Variants in EML4 observed in about 807,000 individuals in gnomAD.
EML4 encodes EMAP like 4.
EML4 carries 72 observed loss-of-function variants against 129.0 expected under a neutral mutation model. The observed-to-expected ratio is 0.56, with a 90% confidence interval of 0.46 to 0.68. EML4 has a LOEUF of 0.68. Among genes scored for constraint, EML4 ranks in the 30% least tolerant of loss-of-function variants. The pLI is 0.00. For synonymous variants in EML4, 532 were observed against 405.0 expected (o/e 1.31, Z -3.77); for missense variants, 1,363 against 1,190.6 (o/e 1.14, Z -2.13).
chr2:42,233,902 ATACT>A (rs1402789624), intron 1 of EML4, among the ~76,000 whole-genome samples: 1 of 152,260 alleles, frequency 6.6e-6, no homozygotes, highest in Non-Finnish European at 1.5e-5. Flanking sequence ...ACTAGGAAAA[ATACT>A]TACTTTGGGG....
Position 42,316,059 on chromosome 2 carries a change from A to T in EML4, c.2056+9A>T, listed in dbSNP as rs781269859. On this transcript the variant is annotated intron_variant, in intron 18 of 22. Coordinates refer to ENST00000318522, the MANE Select transcript of EML4 (RefSeq NM_019063.5). Reference sequence around the variant, plus strand: ...GATGCGCTACTCAATAGGTAGGCAAATTTACTCCCACCTCCCAAGCATGGC... The same window carrying T: ...GATGCGCTACTCAATAGGTAGGCAATTTTACTCCCACCTCCCAAGCATGGC... 1 of 1,595,520 alleles carries T rather than the reference A, an allele frequency of 6.3e-7. No homozygotes were observed. Among genetic ancestry groups the T allele is most frequent in the Non-Finnish European group, 8.6e-7 (1 of 1,163,764 alleles).
Position 42,330,842 on chromosome 2 carries a change from CATA to C in EML4, c.*638_*640del. ...TAGAGAGGTGCTGCCTTTTCTAAGT[CATA>C]ATGAGGAACAGTCCCTTAATTTCTT... On this transcript the variant is annotated 3_prime_UTR_variant, in exon 23 of 23. Transcript: ENST00000318522. 1 of 209,572 alleles carries C rather than the reference CATA, an allele frequency of 4.8e-6. No homozygotes were observed. Among genetic ancestry groups the C allele is most frequent in the Non-Finnish European group, 9.8e-6 (1 of 102,376 alleles). 13.0% of individuals were successfully genotyped at this position (209,572 alleles called of 1,614,324 possible). A position where few individuals can be genotyped will look rare whatever the true frequency, so the allele number is the denominator to read the frequency against.
Position 42,301,312 on chromosome 2 carries a change from G to A in EML4, c.1561G>A (p.Gly521Arg), listed in dbSNP as rs1249391917. Residue 521 changes from glycine (G) to arginine (R), a missense_variant, in exon 14 of 23, where the codon GGG becomes AGG. By Grantham distance (125) the Gly-to-Arg change is moderately radical. Transcript: ENST00000318522. ...SVFTLCQMRN[G>R]MLLTGGGKDR... Reference sequence around the variant, plus strand: ...GTTCACACTTTGTCAGATGAGAAATGGGATGTTATTAACTGGAGGAGGGAA... The same window carrying A: ...GTTCACACTTTGTCAGATGAGAAATAGGATGTTATTAACTGGAGGAGGGAA... 1 of 1,613,092 alleles carries A rather than the reference G, an allele frequency of 6.2e-7. No individual in the cohort carries two copies. The highest frequency in any genetic ancestry group is 8.5e-7 in the Non-Finnish European group (1 of 1,179,480).
At chr2:42,203,004 G>A (rs772613857) in intron 1 of EML4, among the ~76,000 whole-genome samples, 5 of 151,960 alleles carry the variant, frequency 3.3e-5, no homozygotes, top group Non-Finnish European at 5.9e-5. Context: ...CTCCAGCCTG[G>A]GTGACAAGAG....
At chr2:42,317,583 ACAAATTTTT>A in intron 19 of EML4, 59 bp downstream of exon 19, 3 of 1,107,102 alleles carry the variant, frequency 2.7e-6, no homozygotes, top group Non-Finnish European at 4.0e-6. Context: ...TCCGTTAAAA[ACAAATTTTT>A]ACATCGATGT....
chr2:42,255,376 G>T (rs767585113), intron 2 of EML4, among the ~76,000 whole-genome samples: 1 of 152,098 alleles, frequency 6.6e-6, no homozygotes, highest in Non-Finnish European at 1.5e-5. Flanking sequence ...GAGCCACCGC[G>T]CCCAGCCAAT....
intron 1 of EML4, among the ~76,000 whole-genome samples, chr2:42,186,340 G>GA (rs397870228): frequency 1.2e-3 from 169 of 144,426 alleles, no homozygotes; most frequent in Admixed American, 1.6e-3. Flanking sequence ...CTTTATACTT[G>GA]AAAAAAAAAA....
At chr2:42,294,529 C>T (rs1236642688) in intron 11 of EML4, among the ~76,000 whole-genome samples, 1 of 152,130 alleles carries the variant, frequency 6.6e-6, no homozygotes, top group African/African-American at 2.4e-5. Flanking sequence ...AACCATGTCT[C>T]TATTGAAAAT....
intron 1 of EML4, among the ~76,000 whole-genome samples, chr2:42,209,426 T>C (rs1672750256): frequency 2.0e-5 from 3 of 152,234 alleles, no homozygotes; most frequent in African/African-American, 7.2e-5. Flanking sequence ...AGCAGTCTTG[T>C]AGGCATATTC....
At chr2:42,178,458 C>A (rs552915805) in intron 1 of EML4, among the ~76,000 whole-genome samples, 10 of 151,908 alleles carry the variant, frequency 6.6e-5, no homozygotes, top group African/African-American at 2.4e-4. Flanking sequence ...GTGAGAGGAT[C>A]GCTTGAGCCC....
chr2:42,329,937 C>T lies in EML4; in HGVS notation c.2676C>T (p.Val892=). The change falls in exon 23 of 23, where the codon GTC becomes GTT. Residue 892 remains valine, a synonymous_variant. Transcript: ENST00000318522. ...TKAPVSSTES[V]IQSNTPTPPP... ...CCCCCGTCTCTTCCACTGAAAGTGT[C>T]ATCCAATCTAATACTCCCACACCGC... 1 of 1,614,006 alleles carries T rather than the reference C, an allele frequency of 6.2e-7. No individual in the cohort carries two copies. Among genetic ancestry groups the T allele is most frequent in the Non-Finnish European group, 8.5e-7 (1 of 1,180,022 alleles).
At chr2:42,203,354 G>A (rs986772544) in intron 1 of EML4, among the ~76,000 whole-genome samples, 5 of 152,072 alleles carry the variant, frequency 3.3e-5, no homozygotes, top group Admixed American at 3.3e-4. Flanking sequence ...TTTATCAGAG[G>A]ATCTGAAATA....
intron 19 of EML4, among the ~76,000 whole-genome samples, chr2:42,323,343 G>T (rs1669618532): frequency 6.6e-6 from 1 of 152,182 alleles, no homozygotes; most frequent in Non-Finnish European, 1.5e-5. Flanking sequence ...TGCTGTCTCT[G>T]AAAATTGATT....
chr2:42,197,473 G>C (rs907471357), intron 1 of EML4, among the ~76,000 whole-genome samples: 1 of 151,936 alleles, frequency 6.6e-6, no homozygotes, highest in Non-Finnish European at 1.5e-5. Context: ...GAGGTGATAA[G>C]AGTTCTGTTT....
At chr2:42,178,179 A>G (rs957549620) in intron 1 of EML4, among the ~76,000 whole-genome samples, 1 of 152,218 alleles carries the variant, frequency 6.6e-6, no homozygotes, top group East Asian at 1.9e-4. Flanking sequence ...CTCAGTATGT[A>G]AAGAAGTGAT....
intron 1 of EML4, among the ~76,000 whole-genome samples, chr2:42,237,302 CTCTT>C (rs1036861195): frequency 2.0e-5 from 3 of 152,124 alleles, no homozygotes; most frequent in African/African-American, 4.8e-5. Flanking sequence ...ATTACTTTCT[CTCTT>C]TATTATGTCT....
In EML4 at chr2:42,286,333, T is replaced by G; in HGVS notation, c.1076T>G (p.Leu359Arg). Residue 359 changes from leucine to arginine, a missense_variant, in exon 10 of 23, where the codon CTT (leucine) becomes CGT (arginine). Physicochemically the swap from Leu to Arg is moderately radical, Grantham distance 102. Transcript: ENST00000318522. ...VTLSTLQIIG[L>R]GTFERGVGCL... is the part of the protein sequence containing the mutation. Reference sequence around the variant, plus strand: ...CTATCCACACTGCAGATTATTGGACTTGGCACTTTTGAGCGTGGAGTAGGA... The same window carrying G: ...CTATCCACACTGCAGATTATTGGACGTGGCACTTTTGAGCGTGGAGTAGGA... The G allele has an allele frequency of 6.2e-7, 1 of 1,614,060 alleles. No homozygotes were observed. Among genetic ancestry groups the G allele is most frequent in the Non-Finnish European group, 8.5e-7 (1 of 1,179,898 alleles).
At chr2:42,315,241 T>C (rs1669179882) in intron 17 of EML4, among the ~76,000 whole-genome samples, 1 of 152,212 alleles carries the variant, frequency 6.6e-6, no homozygotes, top group African/African-American at 2.4e-5. Flanking sequence ...GCTGCTATCA[T>C]TCATTTTCTT....
rs374847671 is a variant in EML4 at position 42,325,490 on chromosome 2, C to A, written c.2178C>A (p.His726Gln). The A allele has an allele frequency of 1.3e-6, 2 of 1,575,740 alleles. No homozygotes were observed. The highest frequency in any genetic ancestry group is 2.3e-5 in the East Asian group (1 of 44,366). ...AGGGACATTCCAGCTACATCACACA[C>A]CTTGACTGGTCCCCAGACAACAAGT... Reference protein sequence around the residue: ...RCTGHSSYITHLDWSPDNKYI... With the variant: ...RCTGHSSYITQLDWSPDNKYI... Residue 726 changes from histidine to glutamine, a missense_variant, in exon 20 of 23, where the codon CAC (histidine) becomes CAA (glutamine). Coordinates refer to ENST00000318522, the MANE Select transcript of EML4 (RefSeq NM_019063.5).
Sources: gnomAD v4.1 joint callset for allele counts (sites outside exome capture counted in the v4.1 genomes callset) on GRCh38, gnomAD v4.1.1 for gene constraint, MANE v1.5 for transcripts, NCBI Gene and HGNC (gene_info 2026-07-23, HGNC 2026-07-21) for gene names.